Variants in ACSL3 observed in about 807,000 individuals in gnomAD.
The protein encoded by ACSL3 is acyl-CoA synthetase long chain family member 3.
Under a neutral mutation model 84.7 loss-of-function variants are expected in ACSL3, and 34 were observed. The observed-to-expected ratio is 0.40, with a 90% CI of 0.31 to 0.53. The LOEUF (loss-of-function observed/expected upper bound fraction) is 0.53. Among genes scored for constraint, ACSL3 ranks in the 20% least tolerant of loss-of-function variants. The pLI, the probability that ACSL3 is intolerant of heterozygous loss-of-function variation, is 0.48. For missense variants in ACSL3, 680 were observed against 873.1 expected (o/e 0.78, Z 2.79); for synonymous variants, 315 against 299.4 (o/e 1.05, Z -0.54).
At chr2:222,863,403 A>G (rs1032697529) in intron 1 of ACSL3, among the ~76,000 whole-genome samples, 1 of 152,244 alleles carries the variant, frequency 6.6e-6, no homozygotes, top group Non-Finnish European at 1.5e-5. Context: ...TTCATTGCAC[A>G]GTGTATTTCA....
At chr2:222,886,307 A>T (rs764759379) in intron 1 of ACSL3, among the ~76,000 whole-genome samples, 29 of 152,182 alleles carry the variant, frequency 1.9e-4, no homozygotes, top group African/African-American at 6.7e-4. Flanking sequence ...ACTCCCACTT[A>T]TGAGTGAGAG....
chr2:222,874,633 C>G (rs1018246868), intron 1 of ACSL3, among the ~76,000 whole-genome samples: 1 of 151,558 alleles, frequency 6.6e-6, no homozygotes, highest in Non-Finnish European at 1.5e-5. Context: ...TGTGATCAAG[C>G]CACTGCACTC....
chr2:222,930,138 C>T (rs528247228), intron 13 of ACSL3, among the ~76,000 whole-genome samples: 3 of 152,054 alleles, frequency 2.0e-5, no homozygotes, highest in Admixed American at 2.0e-4. Flanking sequence ...CCATGTTGGC[C>T]AGGCTGACCT....
intron 7 of ACSL3, among the ~76,000 whole-genome samples, chr2:222,920,749 T>G (rs1696710398): frequency 6.6e-6 from 1 of 152,220 alleles, no homozygotes; most frequent in African/African-American, 2.4e-5. Context: ...CCCGTGGCCT[T>G]TGAGGTCCTA....
In ACSL3 at chr2:222,942,896, T is replaced by G. The variant is rs530141723; in HGVS notation, c.*1242T>G. 6.2e-6 allele frequency: 1 copy of G among 160,160 alleles called. No homozygotes were observed. The highest frequency in any genetic ancestry group is 4.4e-5 in the African/African-American group (1 of 22,852). The allele number at this position is 160,160 out of a possible 1,614,324, so 9.9% of individuals were successfully genotyped here. ...TGAAGTTATTTGTAATTCAGAAACC[T>G]TGCTTGTGTGATACATAGTCTCTTC... On this transcript the variant is annotated 3_prime_UTR_variant, in exon 17 of 17. Transcript: ENST00000357430.
intron 3 of ACSL3, among the ~76,000 whole-genome samples, chr2:222,901,362 T>A (rs1696144189): frequency 6.6e-6 from 1 of 152,216 alleles, no homozygotes; most frequent in Admixed American, 6.5e-5. Context: ...CAGTTGTCCA[T>A]AATATAAGGA....
chr2:222,941,017 T>C (rs1697291965), intron 16 of ACSL3, among the ~76,000 whole-genome samples: 1 of 152,136 alleles, frequency 6.6e-6, no homozygotes, highest in African/African-American at 2.4e-5. Context: ...TCCTCCCACC[T>C]CAGCCTCCTG....
At chr2:222,921,214 AAAG>A in intron 7 of ACSL3, 63 bp from the exon 8 acceptor site, 4 of 1,523,826 alleles carry the variant, frequency 2.6e-6, no homozygotes, top group Non-Finnish European at 3.6e-6. Context: ...ATGATAATGA[AAAG>A]AAATTGTTGA....
intron 1 of ACSL3, among the ~76,000 whole-genome samples, chr2:222,874,627 A>G (rs1007579695): frequency 3.3e-5 from 5 of 151,924 alleles, no homozygotes; most frequent in Admixed American, 6.6e-5. Context: ...GAAAACTGTG[A>G]TCAAGCCACT....
intron 1 of ACSL3, among the ~76,000 whole-genome samples, chr2:222,872,487 A>G (rs1480078424): frequency 6.6e-6 from 1 of 152,150 alleles, no homozygotes; most frequent in Non-Finnish European, 1.5e-5. Flanking sequence ...ATTATTCTTA[A>G]CATCTGTCAT....
At chr2:222,896,868 G>T in intron 2 of ACSL3, among the ~76,000 whole-genome samples, 1 of 18,396 alleles carries the variant, frequency 5.4e-5, no homozygotes, top group South Asian at 6.0e-3. Flanking sequence ...CGGCTGGCCG[G>T]GCGGGGGGCC....
At chr2:222,896,529 C>A (rs1232951784) in intron 2 of ACSL3, among the ~76,000 whole-genome samples, 1 of 11,782 alleles carries the variant, frequency 8.5e-5, no homozygotes. Context: ...GAGGGGCTGA[C>A]CCCCCACCTC....
rs756317266 is a variant in ACSL3, at chr2:222,908,785, G to A, written c.13G>A (p.Val5Met). The A allele has an allele frequency of 1.1e-5, 17 of 1,592,632 alleles. No individual in the cohort carries two copies. In the East Asian group the frequency reaches 2.9e-4, roughly 28 times the overall value. Residue 5 changes from valine (V) to methionine (M), a missense_variant, in exon 4 of 17, where the codon GTG becomes ATG. This residue lies in a region of ACSL3 where 333 missense variants were observed against 347.5 expected (regional missense o/e 0.96). Transcript: ENST00000357430. MNNH[V>M]SSKPSTMKLK... ...TTTTTGAGTACTTATGAATAACCAC[G>A]TGTCTTCAAAACCATCTACCATGAA...
At chr2:222,890,231 A>G (rs986027130) in intron 2 of ACSL3, among the ~76,000 whole-genome samples, 2 of 152,178 alleles carry the variant, frequency 1.3e-5, no homozygotes, top group African/African-American at 4.8e-5. Flanking sequence ...CAGACTACAG[A>G]TAAGAAACTG....
intron 1 of ACSL3, among the ~76,000 whole-genome samples, chr2:222,871,962 C>G (rs937057167): frequency 6.6e-6 from 1 of 151,876 alleles, no homozygotes; most frequent in Non-Finnish European, 1.5e-5. Context: ...TCCCCCCCAC[C>G]CCCGACTCCC....
chr2:222,940,723 A>T (rs1231040139), intron 16 of ACSL3, among the ~76,000 whole-genome samples: 1 of 152,194 alleles, frequency 6.6e-6, no homozygotes, highest in Admixed American at 6.5e-5. Flanking sequence ...TAGGCTAGAT[A>T]ATGCAGCCTA....
At chr2:222,874,143 C>T (rs1409629217) in intron 1 of ACSL3, among the ~76,000 whole-genome samples, 1 of 152,184 alleles carries the variant, frequency 6.6e-6, no homozygotes, top group Non-Finnish European at 1.5e-5. Context: ...ATGCCTCAGC[C>T]TCCCGAGTAG....
chr2:222,868,433 A>G (rs1167211076), intron 1 of ACSL3, among the ~76,000 whole-genome samples: 1 of 152,136 alleles, frequency 6.6e-6, no homozygotes, highest in Admixed American at 6.6e-5. Context: ...AGCTATTTTT[A>G]TTAGTTTTAT....
At chr2:222,864,124 T>A (rs1362932948) in intron 1 of ACSL3, among the ~76,000 whole-genome samples, 1 of 152,188 alleles carries the variant, frequency 6.6e-6, no homozygotes, top group African/African-American at 2.4e-5. Flanking sequence ...GCTAAGTGAT[T>A]ACTAGGTTTC....
Sources: allele counts gnomAD v4.1 joint callset (sites outside exome capture counted in the v4.1 genomes callset), GRCh38; gene constraint gnomAD v4.1.1; regional missense constraint gnomAD v4.1.1; transcripts MANE v1.5; gene names NCBI Gene and HGNC (gene_info 2026-07-23, HGNC 2026-07-21).